The following PEAK1 variants were observed in gnomAD, a reference collection of about 807,000 sequenced individuals.
The protein encoded by PEAK1 is inactive tyrosine-protein kinase PEAK1.
A neutral mutation model predicts 124.7 loss-of-function variants in PEAK1; 54 were observed. The observed-to-expected ratio is 0.43, with a 90% CI of 0.35 to 0.54. The LOEUF (loss-of-function observed/expected upper bound fraction) is 0.54. Ranked by LOEUF, PEAK1 falls within the 20% of genes least tolerant of loss-of-function variation. PEAK1 has a pLI of 0.01. For missense variants in PEAK1, 2,046 were observed against 2,134.5 expected (o/e 0.96, Z 0.82); for synonymous variants, 719 against 760.0 (o/e 0.95, Z 0.89).
chr15:77,302,392 T>C (rs980952540), intron 2 of PEAK1, among the ~76,000 whole-genome samples: 7 of 152,210 alleles, frequency 4.6e-5, no homozygotes, highest in African/African-American at 1.7e-4. Context: ...CATTACCACA[T>C]GGATCATTTT....
chr15:77,258,985 A>G (rs1453569046), intron 5 of PEAK1, among the ~76,000 whole-genome samples: 1 of 152,006 alleles, frequency 6.6e-6, no homozygotes, highest in Middle Eastern at 3.2e-3. Context: ...TGAGATAATC[A>G]TGTGGTTTTT....
In PEAK1 at chr15:77,333,326, TA is replaced by T. The variant is rs2066005827; in HGVS notation, c.-603+31836del. 4.4e-5 allele frequency: 43 copies of T among 982,054 alleles called. No individual in the cohort carries two copies. The South Asian group carries it at 2.0e-3, about 46-fold the overall frequency. 60.8% of individuals were successfully genotyped at this position (982,054 alleles called of 1,614,324 possible). ...GTTATTATTTGTTTAATTTTGCATT[TA>T]GAAGAGCACTTCTATATACAACCAA... On this transcript the variant is annotated intron_variant, in intron 2 of 9. Coordinates refer to ENST00000682557, the MANE Select transcript of PEAK1 (RefSeq NM_001385026.1).
chr15:77,201,351 C>T (rs1265696032), intron 6 of PEAK1, among the ~76,000 whole-genome samples: 3 of 151,184 alleles, frequency 2.0e-5, no homozygotes, highest in Admixed American at 6.6e-5. Flanking sequence ...CATTCTCCTG[C>T]CTCCGCCTCC....
intron 8 of PEAK1, 70 bp downstream of exon 8, chr15:77,158,433 A>G (rs746065112): frequency 7.9e-5 from 110 of 1,394,854 alleles, no homozygotes; most frequent in Non-Finnish European, 1.1e-4. Flanking sequence ...TCTCTCCAAG[A>G]AAACAGAACA....
chr15:77,415,900 G>C (rs1470522929), intron 1 of PEAK1, among the ~76,000 whole-genome samples: 1 of 152,086 alleles, frequency 6.6e-6, no homozygotes, highest in East Asian at 1.9e-4. Flanking sequence ...CTCACATTAA[G>C]AATGTCCAAG....
chr15:77,330,095 GT>G (rs910728729), intron 2 of PEAK1, among the ~76,000 whole-genome samples: 10 of 151,076 alleles, frequency 6.6e-5, no homozygotes, highest in South Asian at 2.1e-4. Flanking sequence ...AGTCACTTTA[GT>G]TTTTTTTTAC....
intron 1 of PEAK1, among the ~76,000 whole-genome samples, chr15:77,410,219 C>T (rs1368505322): frequency 1.3e-5 from 2 of 151,958 alleles, no homozygotes; most frequent in African/African-American, 4.8e-5. Flanking sequence ...TCCTGAGTAG[C>T]TCCTCAGCCT....
intron 5 of PEAK1, among the ~76,000 whole-genome samples, chr15:77,273,913 A>C (rs2062169444): frequency 6.6e-6 from 1 of 152,234 alleles, no homozygotes; most frequent in African/African-American, 2.4e-5. Context: ...ACAGCATTGT[A>C]CTGGAATAGA....
chr15:77,223,659 G>A (rs2059493379), intron 6 of PEAK1, among the ~76,000 whole-genome samples: 1 of 151,958 alleles, frequency 6.6e-6, no homozygotes, highest in South Asian at 2.1e-4. Context: ...TAGACTAGTG[G>A]GAAGAATGGT....
chr15:77,271,698 G>A (rs1013016987), intron 5 of PEAK1, among the ~76,000 whole-genome samples: 5 of 152,082 alleles, frequency 3.3e-5, no homozygotes, highest in East Asian at 1.9e-4. Flanking sequence ...ACCAAACACC[G>A]CATGTTCTCA....
chr15:77,153,660 G>A (rs1472604051), intron 8 of PEAK1, among the ~76,000 whole-genome samples: 3 of 152,134 alleles, frequency 2.0e-5, no homozygotes, highest in Admixed American at 1.3e-4. Context: ...CTTTGAATGT[G>A]TCCCAGAGAT....
intron 6 of PEAK1, among the ~76,000 whole-genome samples, chr15:77,187,319 C>A (rs1343171612): frequency 6.6e-6 from 1 of 152,092 alleles, no homozygotes; most frequent in Non-Finnish European, 1.5e-5. Flanking sequence ...GTCATGACAG[C>A]TTTTTAAGAA....
At chr15:77,221,958 C>A (rs1216882489) in intron 6 of PEAK1, among the ~76,000 whole-genome samples, 1 of 151,982 alleles carries the variant, frequency 6.6e-6, no homozygotes, top group African/African-American at 2.4e-5. Context: ...ATACTATACT[C>A]AGTAAAAGAG....
chr15:77,258,847 A>T (rs914565953), intron 5 of PEAK1, among the ~76,000 whole-genome samples: 2 of 152,174 alleles, frequency 1.3e-5, no homozygotes, highest in African/African-American at 4.8e-5. Flanking sequence ...ATTCAGTATG[A>T]TGTTGGCTGT....
chr15:77,154,214 C>A (rs932995038), intron 8 of PEAK1, among the ~76,000 whole-genome samples: 1 of 152,156 alleles, frequency 6.6e-6, no homozygotes. Flanking sequence ...TCTTATTTTT[C>A]AATTGATCCC....
chr15:77,406,859 C>T (rs2071865096), intron 1 of PEAK1, among the ~76,000 whole-genome samples: 1 of 152,158 alleles, frequency 6.6e-6, no homozygotes, highest in Non-Finnish European at 1.5e-5. Context: ...TGTCACATTA[C>T]CCAACTTCAA....
chr15:77,147,696 A>C (rs1226785247), intron 8 of PEAK1, among the ~76,000 whole-genome samples: 1 of 152,230 alleles, frequency 6.6e-6, no homozygotes, highest in East Asian at 1.9e-4. Flanking sequence ...GAGTTCATTA[A>C]GTGATCTTAT....
chr15:77,419,482 G>T (rs980064384), intron 1 of PEAK1: 3 of 985,122 alleles, frequency 3.0e-6, no homozygotes, highest in Non-Finnish European at 3.6e-6. Flanking sequence ...CGGCGCGAAG[G>T]GAGCAGGCAG....
intron 6 of PEAK1, among the ~76,000 whole-genome samples, chr15:77,244,910 T>C (rs2060512815): frequency 6.6e-6 from 1 of 152,176 alleles, no homozygotes; most frequent in African/African-American, 2.4e-5. Flanking sequence ...TCTAACAAAA[T>C]GTTATGTGAA....
Sources: gnomAD v4.1 joint callset for allele counts (sites outside exome capture counted in the v4.1 genomes callset) on GRCh38, gnomAD v4.1.1 for gene constraint, MANE v1.5 for transcripts, NCBI Gene and HGNC (gene_info 2026-07-23, HGNC 2026-07-21) for gene names.